KIAA1958: variants seen among roughly 807,000 people sequenced by gnomAD.
KIAA1958 encodes uncharacterized protein KIAA1958.
In KIAA1958, 14 loss-of-function variants were observed where a neutral mutation model predicts 47.2. The ratio of observed to expected loss-of-function variants is 0.30; its 90% CI spans 0.20 to 0.46. The LOEUF is 0.46. Among genes scored for constraint, KIAA1958 ranks in the 20% least tolerant of loss-of-function variants. The probability of loss-of-function intolerance (pLI) is 1.00; values close to 1 mark genes in which losing one functional copy is unlikely to be tolerated. For missense variants in KIAA1958, 803 were observed against 909.2 expected, an observed-to-expected ratio of 0.88 and a Z score of 1.50; for synonymous variants, 354 against 353.3, an observed-to-expected ratio of 1.00 and a Z score of -0.02.
At position 112,664,992 on chromosome 9, in the gene KIAA1958, C is replaced by T. The variant is rs1837334705; in HGVS notation, c.*4923C>T. 6.6e-6 allele frequency: 1 copy of T among 152,050 alleles called. No homozygotes were observed. Among genetic ancestry groups the T allele is most frequent in the Non-Finnish European group, 1.5e-5 (1 of 68,028 alleles). 9.4% of individuals were successfully genotyped at this position (152,050 alleles called of 1,614,324 possible). On this transcript the variant is annotated 3_prime_UTR_variant, in exon 4 of 4. Coordinates refer to ENST00000337530, the MANE Select transcript of KIAA1958 (RefSeq NM_133465.4). ...AAAATCTGCAGAAGTTCTCCATGTT[C>T]AGTGGTTGACCAGAATCTGATTGTT...
chr9:112,626,662 G>A (rs1013454618), intron 2 of KIAA1958, among the ~76,000 whole-genome samples: 1 of 151,814 alleles, frequency 6.6e-6, no homozygotes, highest in Non-Finnish European at 1.5e-5. Flanking sequence ...ATTTATAATT[G>A]TTTATTTATA....
chr9:112,574,019 G>A, intron 1 of KIAA1958, 38 bp from the exon 2 acceptor site: 1 of 1,070,240 alleles, frequency 9.3e-7, no homozygotes, highest in South Asian at 1.6e-5. Flanking sequence ...GATTATCTTG[G>A]GTAATAATGG....
intron 1 of KIAA1958, among the ~76,000 whole-genome samples, chr9:112,492,526 T>C (rs1472041836): frequency 6.6e-6 from 1 of 152,176 alleles, no homozygotes; most frequent in Admixed American, 6.5e-5. Flanking sequence ...CCTACTGCCT[T>C]TCATGCATGT....
intron 2 of KIAA1958, among the ~76,000 whole-genome samples, chr9:112,615,144 G>A (rs7871970): frequency 0.84 from 128,240 of 152,126 alleles, 54,237 homozygotes; most frequent in South Asian, 0.87. Flanking sequence ...GGAGGAGGCC[G>A]GGCATGGTGG....
At chr9:112,569,150 ATGTGGTAC>A (rs1835486740) in intron 1 of KIAA1958, among the ~76,000 whole-genome samples, 1 of 152,038 alleles carries the variant, frequency 6.6e-6, no homozygotes, top group Non-Finnish European at 1.5e-5. Context: ...TTCCTTCTAT[ATGTGGTAC>A]TGTTCTTTTT....
intron 2 of KIAA1958, among the ~76,000 whole-genome samples, chr9:112,603,653 G>A (rs561729460): frequency 1.3e-5 from 2 of 152,186 alleles, no homozygotes; most frequent in South Asian, 2.1e-4. Context: ...AGTGCCATGT[G>A]TGGTCTTTTT....
intron 1 of KIAA1958, among the ~76,000 whole-genome samples, chr9:112,515,360 G>A (rs1172025449): frequency 6.8e-6 from 1 of 147,806 alleles, no homozygotes; most frequent in African/African-American, 2.5e-5. Flanking sequence ...CCCTCTGCCC[G>A]GCCACCGCCC....
chr9:112,650,590 A>G (rs942386986), intron 3 of KIAA1958, among the ~76,000 whole-genome samples: 2 of 152,216 alleles, frequency 1.3e-5, no homozygotes, highest in South Asian at 4.1e-4. Flanking sequence ...TAATGTGGAA[A>G]TAAGTGGAAC....
At chr9:112,641,260 G>A (rs1233451702) in intron 2 of KIAA1958, among the ~76,000 whole-genome samples, 1 of 150,344 alleles carries the variant, frequency 6.7e-6, no homozygotes, top group Non-Finnish European at 1.5e-5. Context: ...TTTGAATGCT[G>A]CTTTAGGTAG....
At chr9:112,536,058 A>G (rs1166489690) in intron 1 of KIAA1958, among the ~76,000 whole-genome samples, 3 of 152,162 alleles carry the variant, frequency 2.0e-5, no homozygotes, top group African/African-American at 2.4e-5. Flanking sequence ...CGCTCTGTTA[A>G]TTGACCTCTG....
intron 2 of KIAA1958, among the ~76,000 whole-genome samples, chr9:112,585,132 C>A (rs930337475): frequency 1.3e-5 from 2 of 152,234 alleles, no homozygotes; most frequent in Non-Finnish European, 2.9e-5. Flanking sequence ...AAGTCACTTA[C>A]ACTTCAGTTT....
At chr9:112,646,085 TG>T (rs1345306557) in intron 3 of KIAA1958, among the ~76,000 whole-genome samples, 4 of 71,228 alleles carry the variant, frequency 5.6e-5, no homozygotes, top group African/African-American at 1.9e-4. Context: ...GATATTTAAG[TG>T]GTTTTTTTTT....
intron 2 of KIAA1958, among the ~76,000 whole-genome samples, chr9:112,584,283 T>C (rs1469092068): frequency 1.3e-5 from 2 of 152,168 alleles, no homozygotes; most frequent in Non-Finnish European, 2.9e-5. Context: ...TTCTATAGGG[T>C]TGATATATAT....
At chr9:112,582,751 G>A (rs1000351254) in intron 2 of KIAA1958, among the ~76,000 whole-genome samples, 2 of 150,524 alleles carry the variant, frequency 1.3e-5, no homozygotes, top group African/African-American at 2.4e-5. Context: ...CAAAAAAACC[G>A]AATCCATAAC....
intron 1 of KIAA1958, among the ~76,000 whole-genome samples, chr9:112,557,403 A>C (rs1407880618): frequency 6.6e-6 from 1 of 152,222 alleles, no homozygotes. Flanking sequence ...GCCCTGGCAC[A>C]CATCTGTCCA....
chr9:112,622,616 G>A (rs1000389310), intron 2 of KIAA1958, among the ~76,000 whole-genome samples: 1 of 152,130 alleles, frequency 6.6e-6, no homozygotes, highest in Admixed American at 6.5e-5. Flanking sequence ...AGCAATTTAG[G>A]ATATTTATAA....
intron 1 of KIAA1958, among the ~76,000 whole-genome samples, chr9:112,536,465 A>G (rs993939993): frequency 3.3e-5 from 5 of 152,142 alleles, no homozygotes; most frequent in African/African-American, 1.2e-4. Context: ...ACCCTGCTCT[A>G]TAGGGTGTCC....
chr9:112,623,789 G>A (rs966303773), intron 2 of KIAA1958, among the ~76,000 whole-genome samples: 14 of 152,150 alleles, frequency 9.2e-5, no homozygotes, highest in Non-Finnish European at 2.9e-5. Context: ...TTCAGGCAGG[G>A]AAGTGGGAGG....
rs995719563 is a variant in KIAA1958 at position 112,668,189 on chromosome 9, A to G, written c.*8120A>G. 3.9e-5 allele frequency: 6 copies of G among 152,216 alleles called. No homozygotes were observed. The highest frequency in any genetic ancestry group is 2.9e-5 in the Non-Finnish European group (2 of 68,050). 9.4% of individuals were successfully genotyped at this position (152,216 alleles called of 1,614,324 possible). ...CTGCGTTGGGGGTGTAATAACCTAG[A>G]CTAGAGCTTATAGACTGAAGCCCAT... On this transcript the variant is annotated 3_prime_UTR_variant, in exon 4 of 4. Coordinates refer to ENST00000337530, the MANE Select transcript of KIAA1958 (RefSeq NM_133465.4).
Sources: allele counts gnomAD v4.1 joint callset (sites outside exome capture counted in the v4.1 genomes callset), GRCh38; gene constraint gnomAD v4.1.1; transcripts MANE v1.5; gene names NCBI Gene and HGNC (gene_info 2026-07-23, HGNC 2026-07-21).